NHSL2: variants seen among roughly 807,000 people sequenced by gnomAD.
NHSL2 encodes the protein NHS like 2.
In NHSL2, 27 loss-of-function variants were observed where a neutral mutation model predicts 53.4. The observed-to-expected ratio is 0.51, with a 90% CI of 0.37 to 0.70. NHSL2 has a LOEUF of 0.70. Ranked by LOEUF, NHSL2 falls within the 30% of genes least tolerant of loss-of-function variation. The pLI is 0.00. For synonymous variants in NHSL2, 408 were observed against 404.1 expected, an observed-to-expected ratio of 1.01 and a Z score of -0.12; for missense variants, 892 against 980.1, an observed-to-expected ratio of 0.91 and a Z score of 1.20.
intron 1 of NHSL2, chrX:72,127,018 A>C (rs2042232519): frequency 8.9e-6 from 1 of 111,858 alleles, no homozygotes; most frequent in Non-Finnish European, 1.9e-5. Flanking sequence ...TCAAGACTTC[A>C]GGGTAGGGTT....
intron 1 of NHSL2, among the ~76,000 whole-genome samples, chrX:72,107,085 A>C (rs192846960): frequency 8.7e-4 from 96 of 110,568 alleles, no homozygotes; most frequent in Middle Eastern, 4.6e-3. Context: ...CACATTGCAC[A>C]CATGTACCCT....
intron 1 of NHSL2, among the ~76,000 whole-genome samples, chrX:71,996,715 T>G (rs2042051640): frequency 8.9e-6 from 1 of 112,572 alleles, no homozygotes; most frequent in Non-Finnish European, 1.9e-5. Context: ...TCTTCCCCCA[T>G]GCAGGAGTCT....
At chrX:72,084,949 G>A (rs1307844218) in intron 1 of NHSL2, among the ~76,000 whole-genome samples, 2 of 112,152 alleles carry the variant, frequency 1.8e-5, no homozygotes, top group African/African-American at 6.5e-5. Context: ...TCACCAGGGC[G>A]ACAGATATAA....
chrX:72,095,684 A>C (rs1055221539), intron 1 of NHSL2, among the ~76,000 whole-genome samples: 1 of 111,406 alleles, frequency 9.0e-6, no homozygotes, highest in African/African-American at 3.3e-5. Context: ...CATGCCCTCC[A>C]CACTCCCGTA....
chrX:71,957,509 G>A (rs951294994), intron 1 of NHSL2, among the ~76,000 whole-genome samples: 45 of 111,866 alleles, frequency 4.0e-4, no homozygotes, highest in Non-Finnish European at 7.2e-4. Flanking sequence ...CTCGTGATCC[G>A]CCTGACTTGG....
chrX:72,115,552 A>T (rs1016049128), intron 1 of NHSL2, among the ~76,000 whole-genome samples: 1 of 110,866 alleles, frequency 9.0e-6, no homozygotes, highest in African/African-American at 3.3e-5. Context: ...CAGCACAGGC[A>T]TTAATTCAGC....
Position 71,919,915 on chromosome X carries a change from A to G in NHSL2, c.280+8548A>G, listed in dbSNP as rs5991872. Among the ~76,000 whole-genome samples, 292 of 112,816 alleles carry G rather than the reference A, an allele frequency of 2.6e-3. 2 individuals carry two copies. Among genetic ancestry groups the G allele is most frequent in the African/African-American group, 9.0e-3 (279 of 31,133 alleles). On this transcript the variant is annotated intron_variant, in intron 1 of 7. Coordinates refer to ENST00000633930, the MANE Select transcript of NHSL2 (RefSeq NM_001013627.3). ...GGCAGAGCTCTTGTCCAAGTGTCTC[A>G]CTGGCTCTCTGTTTTCTTCCCCTTG...
intron 2 of NHSL2, 32 bp downstream of exon 2, chrX:72,132,266 C>A: frequency 4.4e-6 from 5 of 1,124,997 alleles, no homozygotes; most frequent in Non-Finnish European, 4.7e-6. Context: ...GCGGCCGGAG[C>A]CCAGAAGCGA....
chrX:72,050,703 G>A (rs770817090), intron 1 of NHSL2, among the ~76,000 whole-genome samples: 1 of 110,570 alleles, frequency 9.0e-6, no homozygotes, highest in Non-Finnish European at 1.9e-5. Context: ...AAACCAGCCT[G>A]GCCAATATAG....
rs201122770 is a variant in NHSL2, at chrX:72,129,941, G to A, written c.281-2138G>A. On this transcript the variant is annotated intron_variant, in intron 1 of 7. Coordinates refer to ENST00000633930, the MANE Select transcript of NHSL2 (RefSeq NM_001013627.3). The stretch of plus-strand genomic sequence containing the variant: ...TGGCGTTGTCCTAAACGACCTGTGC[G>A]GCGAATCAGTTGGGGGGAGCTGTAG... The A allele has an allele frequency of 3.9e-4, 471 of 1,209,425 alleles. 3 individuals are homozygous for A. In the Middle Eastern group the frequency reaches 8.0e-3, roughly 21 times the overall value.
chrX:72,043,719 G>A (rs1192913794), intron 1 of NHSL2, among the ~76,000 whole-genome samples: 3 of 111,516 alleles, frequency 2.7e-5, no homozygotes, highest in Non-Finnish European at 5.6e-5. Flanking sequence ...CACACATGTT[G>A]ATTATTCTGG....
intron 1 of NHSL2, among the ~76,000 whole-genome samples, chrX:71,964,180 C>T (rs1292643102): frequency 2.0e-5 from 2 of 97,704 alleles, no homozygotes; most frequent in African/African-American, 7.5e-5. Context: ...CCATCACCTA[C>T]ATTAGTTATT....
intron 6 of NHSL2, chrX:72,141,344 A>G: frequency 8.0e-6 from 1 of 125,387 alleles, no homozygotes. Context: ...AACATAATAC[A>G]TAATGCTTCT....
In NHSL2 at chrX:72,131,913, G is replaced by C. The variant is rs1455903503; in HGVS notation, c.281-166G>C. The stretch of plus-strand genomic sequence containing the variant: ...GGAGCGGACTGCGGCAGGATCTGTC[G>C]AGGAAAAATCTTGCGGCCGGCGATT... On this transcript the variant is annotated intron_variant, in intron 1 of 7. Transcript: ENST00000633930. 78 of 476,270 alleles carry C rather than the reference G, an allele frequency of 1.6e-4. No individual in the cohort carries two copies. The South Asian group carries it at 2.3e-3, about 14-fold the overall frequency. The allele number at this position is 476,270 out of a possible 1,213,427, so 39.2% of individuals were successfully genotyped here.
At chrX:72,093,634 A>G (rs1022264968) in intron 1 of NHSL2, among the ~76,000 whole-genome samples, 1 of 111,271 alleles carries the variant, frequency 9.0e-6, no homozygotes, top group Non-Finnish European at 1.9e-5. Context: ...TTCCATTTTC[A>G]CCTTATTACT....
At chrX:72,099,467 G>A (rs1381878140) in intron 1 of NHSL2, among the ~76,000 whole-genome samples, 3 of 104,989 alleles carry the variant, frequency 2.9e-5, no homozygotes, top group African/African-American at 1.1e-4. Flanking sequence ...CCGGGTTCAA[G>A]CAATTCTCCT....
intron 1 of NHSL2, among the ~76,000 whole-genome samples, chrX:71,942,949 T>C (rs992777674): frequency 5.3e-5 from 1 of 18,947 alleles, no homozygotes; most frequent in Non-Finnish European, 1.6e-4. Flanking sequence ...GCTCTAATGC[T>C]CTCTCTCTCT....
At chrX:71,923,702 A>G (rs2041671042) in intron 1 of NHSL2, among the ~76,000 whole-genome samples, 1 of 111,706 alleles carries the variant, frequency 9.0e-6, no homozygotes, top group Non-Finnish European at 1.9e-5. Flanking sequence ...GTGATGAAAC[A>G]TCCACCCTCC....
At position 72,009,056 on chromosome X, in the gene NHSL2, G is replaced by A. The variant is rs181516559; in HGVS notation, c.280+97689G>A. Among the ~76,000 whole-genome samples, 584 of 112,358 alleles carry A rather than the reference G, an allele frequency of 5.2e-3. 5 individuals are homozygous for A. The highest frequency in any genetic ancestry group is 0.018 in the African/African-American group (556 of 30,927). On this transcript the variant is annotated intron_variant, in intron 1 of 7. Transcript: ENST00000633930. ...TGATCTCCTACAAATCCCATCGTCT[G>A]CCTCTCCATTCCAGCCACACTAGCC...
Sources: gnomAD v4.1 joint callset for allele counts (sites outside exome capture counted in the v4.1 genomes callset) on GRCh38, gnomAD v4.1.1 for gene constraint, MANE v1.5 for transcripts, NCBI Gene and HGNC (gene_info 2026-07-23, HGNC 2026-07-21) for gene names.